Variants in TBCK observed in about 807,000 individuals in gnomAD.
TBCK encodes the protein TBC1 domain containing kinase.
A neutral mutation model predicts 113.4 loss-of-function variants in TBCK; 99 were observed. The ratio of observed to expected loss-of-function variants is 0.87; its 90% CI spans 0.74 to 1.03. The LOEUF (loss-of-function observed/expected upper bound fraction) is 1.03, where lower values mean the gene tolerates loss of function less well. TBCK is among the 50% of genes least tolerant of loss of function. The pLI, the probability that TBCK is intolerant of heterozygous loss-of-function variation, is 0.00. For missense variants in TBCK, 1,045 were observed against 1,061.3 expected (o/e 0.98, Z 0.21); for synonymous variants, 369 against 370.8 (o/e 1.00, Z 0.05).
At chr4:106,182,386 C>G (rs1400389331) in intron 22 of TBCK, 2 of 152,122 alleles carry the variant, frequency 1.3e-5, no homozygotes, top group South Asian at 4.1e-4. Flanking sequence ...ACTGCCCTGG[C>G]CAGAAAGTCC....
intron 14 of TBCK, 64 bp from the exon 15 acceptor site, chr4:106,235,431 A>G (rs1297385909): frequency 1.9e-6 from 2 of 1,061,160 alleles, no homozygotes; most frequent in Non-Finnish European, 2.7e-6. Context: ...TAGTCTAGAC[A>G]GTTCTGAATA....
intron 23 of TBCK, among the ~76,000 whole-genome samples, chr4:106,125,702 G>A (rs968384835): frequency 6.6e-6 from 1 of 152,120 alleles, no homozygotes; most frequent in Non-Finnish European, 1.5e-5. Context: ...TGGGAAAGGT[G>A]GACAGGGTGG....
intron 25 of TBCK, among the ~76,000 whole-genome samples, chr4:106,076,720 T>C (rs1038541167): frequency 6.6e-6 from 1 of 152,124 alleles, no homozygotes; most frequent in Non-Finnish European, 1.5e-5. Context: ...TTCAATATCT[T>C]TAAATAAAAG....
intron 25 of TBCK, among the ~76,000 whole-genome samples, chr4:106,093,795 A>G (rs1396340292): frequency 6.6e-6 from 1 of 151,454 alleles, no homozygotes; most frequent in Non-Finnish European, 1.5e-5. Flanking sequence ...TACCTATATA[A>G]CATACCTGCA....
intron 22 of TBCK, among the ~76,000 whole-genome samples, chr4:106,191,200 C>G (rs548315924): frequency 6.6e-6 from 1 of 152,224 alleles, no homozygotes; most frequent in South Asian, 2.1e-4. Context: ...GCGAGATGAT[C>G]TGAAGTATAA....
At chr4:106,107,983 A>G (rs936414413) in intron 24 of TBCK, among the ~76,000 whole-genome samples, 8 of 151,912 alleles carry the variant, frequency 5.3e-5, no homozygotes, top group Admixed American at 5.3e-4. Flanking sequence ...CATATGCTCT[A>G]TGTACACAAA....
At chr4:106,173,930 G>A (rs1490051033) in intron 22 of TBCK, among the ~76,000 whole-genome samples, 1 of 152,032 alleles carries the variant, frequency 6.6e-6, no homozygotes, top group Non-Finnish European at 1.5e-5. Context: ...TCCCAGGTTT[G>A]AATTAAAGCT....
chr4:106,149,607 G>A (rs370363113), intron 23 of TBCK, among the ~76,000 whole-genome samples: 12 of 152,126 alleles, frequency 7.9e-5, no homozygotes, highest in East Asian at 3.8e-4. Context: ...AATGGGCTCC[G>A]TTTGTGGTGC....
chr4:106,267,709 T>C (rs993869335), intron 3 of TBCK, among the ~76,000 whole-genome samples: 24 of 152,054 alleles, frequency 1.6e-4, no homozygotes, highest in Non-Finnish European at 3.2e-4. Flanking sequence ...TCAACTTGGT[T>C]GTATTTGGAT....
At chr4:106,217,229 G>C (rs559375075) in intron 19 of TBCK, among the ~76,000 whole-genome samples, 6 of 152,164 alleles carry the variant, frequency 3.9e-5, no homozygotes, top group Non-Finnish European at 8.8e-5. Context: ...AAAATAATAA[G>C]AGCTATCTAT....
chr4:106,228,458 G>T (rs1758482270), intron 19 of TBCK, among the ~76,000 whole-genome samples: 1 of 150,844 alleles, frequency 6.6e-6, no homozygotes, highest in Non-Finnish European at 1.5e-5. Context: ...CAAATGTTTT[G>T]ATTTTCAGAT....
At chr4:106,242,621 T>C in intron 11 of TBCK, 52 bp from the exon 12 acceptor site, 1 of 1,322,738 alleles carries the variant, frequency 7.6e-7, no homozygotes. Context: ...GTTTATTGTT[T>C]CTTCTAGAAA....
intron 25 of TBCK, among the ~76,000 whole-genome samples, chr4:106,073,756 G>T (rs1048325234): frequency 6.6e-6 from 1 of 152,174 alleles, no homozygotes; most frequent in African/African-American, 2.4e-5. Flanking sequence ...TCATTGAGCT[G>T]CGGTGGGCTC....
At chr4:106,069,380 A>G (rs954010787) in intron 25 of TBCK, among the ~76,000 whole-genome samples, 1 of 152,176 alleles carries the variant, frequency 6.6e-6, no homozygotes, top group African/African-American at 2.4e-5. Flanking sequence ...CAGTTTTCCC[A>G]GCATCATTTA....
intron 23 of TBCK, among the ~76,000 whole-genome samples, chr4:106,117,124 G>C (rs1364404003): frequency 6.6e-6 from 1 of 151,980 alleles, no homozygotes; most frequent in Non-Finnish European, 1.5e-5. Context: ...AAGCATTATT[G>C]TTTTGATTGA....
intron 24 of TBCK, among the ~76,000 whole-genome samples, chr4:106,107,121 A>G (rs1742259745): frequency 6.6e-6 from 1 of 152,190 alleles, no homozygotes; most frequent in African/African-American, 2.4e-5. Flanking sequence ...ATACAGGAGC[A>G]CCCAGATTCA....
chr4:106,110,464 AAC>A (rs1482196148), intron 24 of TBCK, among the ~76,000 whole-genome samples: 46 of 152,348 alleles, frequency 3.0e-4, no homozygotes, highest in African/African-American at 9.9e-4. Flanking sequence ...ATCATAGGAC[AAC>A]AGTTATCAGC....
intron 23 of TBCK, among the ~76,000 whole-genome samples, chr4:106,147,279 G>T (rs1453805138): frequency 2.0e-5 from 3 of 152,130 alleles, no homozygotes. Context: ...CTTTCCAGGG[G>T]ATTTCAATTT....
In TBCK at chr4:106,295,079, G is replaced by T; in HGVS notation, c.266+15C>A. ...GTTCTGCTTTTCATTTAATTGTTCTGATACTATACAGTACCTCACAGGTTT... is the reference window on the plus strand; with the variant it reads ...GTTCTGCTTTTCATTTAATTGTTCTTATACTATACAGTACCTCACAGGTTT... On this transcript the variant is annotated intron_variant, in intron 3 of 25. Transcript: ENST00000394708. The T allele has an allele frequency of 6.3e-7, 1 of 1,585,766 alleles. No individual in the cohort carries two copies. The highest frequency in any genetic ancestry group is 1.2e-5 in the South Asian group (1 of 86,348).
Sources: gnomAD v4.1 joint callset for allele counts (sites outside exome capture counted in the v4.1 genomes callset) on GRCh38, gnomAD v4.1.1 for gene constraint, MANE v1.5 for transcripts, NCBI Gene and HGNC (gene_info 2026-07-23, HGNC 2026-07-21) for gene names.